The following IL1RAPL2 variants were observed in gnomAD, a reference collection of about 807,000 sequenced individuals.
IL1RAPL2 encodes X-linked interleukin-1 receptor accessory protein-like 2.
In IL1RAPL2, 3 loss-of-function variants were observed where a neutral mutation model predicts 44.1. The ratio of observed to expected loss-of-function variants is 0.07; its 90% confidence interval spans 0.03 to 0.18. IL1RAPL2 has a LOEUF of 0.18. Ranked by LOEUF, IL1RAPL2 falls within the 10% of genes least tolerant of loss-of-function variation. The pLI is 1.00. For synonymous variants in IL1RAPL2, 181 were observed against 178.8 expected (o/e 1.01, Z -0.10); for missense variants, 391 against 496.4 (o/e 0.79, Z 2.02).
chrX:105,755,253 A>C lies in IL1RAPL2; in HGVS notation c.1269A>C (p.Glu423Asp), dbSNP rs1285654350. 8.4e-7 allele frequency: 1 copy of C among 1,194,007 alleles called. No homozygotes were observed. Among genetic ancestry groups the C allele is most frequent in the East Asian group, 3.0e-5 (1 of 33,651 alleles). The change falls in exon 10 of 11, where the codon GAA becomes GAC. Residue 423 changes from glutamate (E) to aspartate (D), a missense_variant. By Grantham distance (45) the Glu-to-Asp change is conservative. This residue lies in a region of IL1RAPL2 where 232 missense variants were observed against 244.8 expected (regional missense o/e 0.95). Coordinates refer to ENST00000372582, the MANE Select transcript of IL1RAPL2 (RefSeq NM_017416.2). ...CTTTAGACTGTGACAATCCTGAAGA[A>C]GAGCAGTTTGCTCTTGAAGTACTGC... is the stretch of plus-strand genomic sequence containing the variant. ...QDTLDCDNPE[E>D]EQFALEVLPD...
chrX:105,065,779 G>A (rs780431317), intron 2 of IL1RAPL2, among the ~76,000 whole-genome samples: 7 of 112,106 alleles, frequency 6.2e-5, no homozygotes, highest in Non-Finnish European at 1.3e-4. Context: ...GTTCCGCTGA[G>A]TAAGACCTAC....
chrX:105,520,999 C>T (rs1220627462), intron 6 of IL1RAPL2, among the ~76,000 whole-genome samples: 5 of 89,538 alleles, frequency 5.6e-5, no homozygotes, highest in Non-Finnish European at 8.3e-5. Flanking sequence ...TGCAGTGCCG[C>T]GATTTTGGCA....
At chrX:105,742,614 T>C (rs2038509833) in intron 8 of IL1RAPL2, among the ~76,000 whole-genome samples, 1 of 111,418 alleles carries the variant, frequency 9.0e-6, no homozygotes, top group Admixed American at 9.6e-5. Context: ...ACAATGTTAA[T>C]TCTCATCTTC....
chrX:105,141,113 T>C (rs913316598), intron 2 of IL1RAPL2, among the ~76,000 whole-genome samples: 8 of 111,894 alleles, frequency 7.1e-5, no homozygotes, highest in African/African-American at 2.6e-4. Flanking sequence ...AAAAGAAGCT[T>C]TCAGATGTTA....
chrX:104,585,383 A>G (rs1359874754), intron 1 of IL1RAPL2, among the ~76,000 whole-genome samples: 1 of 27,259 alleles, frequency 3.7e-5, no homozygotes, highest in Non-Finnish European at 5.0e-5. Context: ...TATATAATAT[A>G]TATTATATAT....
intron 1 of IL1RAPL2, among the ~76,000 whole-genome samples, chrX:104,568,577 A>T (rs1405866701): frequency 3.6e-5 from 4 of 111,010 alleles, no homozygotes; most frequent in African/African-American, 6.6e-5. Context: ...GTGGAAGCAG[A>T]TTATTTGGGG....
Position 105,345,982 on chromosome X carries a change from G to C in IL1RAPL2, c.697+78441G>C, listed in dbSNP as rs968699808. On this transcript the variant is annotated intron_variant, in intron 5 of 10. Coordinates refer to ENST00000372582, the MANE Select transcript of IL1RAPL2 (RefSeq NM_017416.2). ...TCTCCTTTATGGCAGGCTTGAGAGA[G>C]GAAGATATTATTTGGACGAGGAGTT... 3.6e-5 allele frequency among the ~76,000 whole-genome samples: 4 copies of C among 111,583 alleles called. No homozygotes were observed. The Admixed American group carries it at 3.8e-4, about 11-fold the overall frequency.
intron 2 of IL1RAPL2, among the ~76,000 whole-genome samples, chrX:105,075,316 T>C (rs1331376688): frequency 2.7e-5 from 3 of 112,173 alleles, no homozygotes; most frequent in African/African-American, 9.7e-5. Flanking sequence ...GTTTTTGTCT[T>C]TGGTTCTGTT....
chrX:105,457,233 A>G (rs1049624978), intron 5 of IL1RAPL2, among the ~76,000 whole-genome samples: 7 of 111,718 alleles, frequency 6.3e-5, no homozygotes, highest in Non-Finnish European at 1.1e-4. Context: ...GTTGCTATTT[A>G]TATGGTGGTA....
chrX:104,690,355 T>C (rs5917124), intron 2 of IL1RAPL2, among the ~76,000 whole-genome samples: 42,456 of 111,361 alleles, frequency 0.38, 6,108 homozygotes, highest in East Asian at 0.47. Context: ...GATGTTCATA[T>C]TGAAATGTTC....
chrX:105,092,323 T>G (rs1266765670), intron 2 of IL1RAPL2, among the ~76,000 whole-genome samples: 2 of 111,417 alleles, frequency 1.8e-5, no homozygotes, highest in East Asian at 5.6e-4. Context: ...ATCATACTCA[T>G]AGTTATGGTT....
chrX:104,726,046 T>G (rs951146618), intron 2 of IL1RAPL2, among the ~76,000 whole-genome samples: 29 of 111,982 alleles, frequency 2.6e-4, no homozygotes, highest in African/African-American at 7.8e-4. Context: ...TAATCCATCT[T>G]GAGTGAATTT....
chrX:105,128,411 TTCTA>T (rs1452905552), intron 2 of IL1RAPL2, among the ~76,000 whole-genome samples: 4 of 111,210 alleles, frequency 3.6e-5, no homozygotes, highest in Non-Finnish European at 7.6e-5. Flanking sequence ...CTACACAACT[TTCTA>T]TATGCATAAG....
chrX:105,158,077 C>A (rs1039093125), intron 2 of IL1RAPL2, among the ~76,000 whole-genome samples: 3 of 111,646 alleles, frequency 2.7e-5, no homozygotes. Flanking sequence ...CGCCGTGGCT[C>A]ACGCCTGTAA....
chrX:104,574,055 T>A (rs1032290786), intron 1 of IL1RAPL2, among the ~76,000 whole-genome samples: 3 of 111,874 alleles, frequency 2.7e-5, no homozygotes, highest in African/African-American at 9.7e-5. Context: ...AATTACAATT[T>A]AACATTTTAT....
chrX:104,906,228 T>TCTCTGC (rs1923997766), intron 2 of IL1RAPL2, among the ~76,000 whole-genome samples: 1 of 111,658 alleles, frequency 9.0e-6, no homozygotes, highest in African/African-American at 3.3e-5. Context: ...GTTTTGTAGA[T>TCTCTGC]ATACAATCAT....
At chrX:105,448,537 G>C (rs1193168796) in intron 5 of IL1RAPL2, among the ~76,000 whole-genome samples, 1 of 110,026 alleles carries the variant, frequency 9.1e-6, no homozygotes, top group African/African-American at 3.3e-5. Flanking sequence ...GCTAATTTTT[G>C]TATTTTTAGT....
intron 2 of IL1RAPL2, among the ~76,000 whole-genome samples, chrX:104,733,650 AATAAT>A (rs1412057378): frequency 9.3e-6 from 1 of 107,898 alleles, no homozygotes; most frequent in Non-Finnish European, 1.9e-5. Context: ...TAATAATAGT[AATAAT>A]AATAATCATG....
intron 2 of IL1RAPL2, among the ~76,000 whole-genome samples, chrX:104,785,467 T>G (rs1350705386): frequency 8.9e-6 from 1 of 112,013 alleles, no homozygotes; most frequent in East Asian, 2.8e-4. Context: ...TTAGCCTATG[T>G]TGGTGTTTTC....
Sources: gnomAD v4.1 joint callset for allele counts (sites outside exome capture counted in the v4.1 genomes callset) on GRCh38, gnomAD v4.1.1 for gene constraint, gnomAD v4.1.1 regional missense constraint, MANE v1.5 for transcripts, NCBI Gene and HGNC (gene_info 2026-07-23, HGNC 2026-07-21) for gene names.